Variants in PRPF18 observed in about 807,000 individuals in gnomAD.
PRPF18 encodes pre-mRNA-splicing factor 18.
Under a neutral mutation model 46.5 loss-of-function variants are expected in PRPF18, and 38 were observed. The ratio of observed to expected loss-of-function variants is 0.82; its 90% CI spans 0.63 to 1.07. The LOEUF is 1.07. Among genes scored for constraint, PRPF18 ranks in the 50% least tolerant of loss-of-function variants. The pLI is 0.00. For synonymous variants in PRPF18, 152 were observed against 146.7 expected, an observed-to-expected ratio of 1.04 and a Z score of -0.26; for missense variants, 263 against 410.0, an observed-to-expected ratio of 0.64 and a Z score of 3.10.
the PRPF18 span, among the ~76,000 whole-genome samples, chr10:13,636,617 A>G: frequency 6.6e-6 from 1 of 152,200 alleles, no homozygotes; most frequent in Admixed American, 6.5e-5. Flanking sequence ...CATACAGAAA[A>G]ATTACTAGAG....
chr10:13,634,852 T>C (rs2080622483), downstream of PRPF18, among the ~76,000 whole-genome samples: 1 of 152,214 alleles, frequency 6.6e-6, no homozygotes, highest in Admixed American at 6.5e-5. Flanking sequence ...TGTATGGTGG[T>C]CAGCAGTTTG....
chr10:13,626,787 A>T (rs11258481), intron 9 of PRPF18, among the ~76,000 whole-genome samples: 50,963 of 148,646 alleles, frequency 0.34, 9,219 homozygotes, highest in Non-Finnish European at 0.42. Context: ...CTATTATTTG[A>T]TACAAGAATC....
At chr10:13,603,014 G>A (rs2080134903) in intron 3 of PRPF18, among the ~76,000 whole-genome samples, 1 of 152,262 alleles carries the variant, frequency 6.6e-6, no homozygotes, top group African/African-American at 2.4e-5. Context: ...TTACCGGCGA[G>A]GGCCACTGCG....
At chr10:13,613,946 A>G (rs2080305468) in intron 7 of PRPF18, 65 bp downstream of exon 7, 1 of 1,566,624 alleles carries the variant, frequency 6.4e-7, no homozygotes, top group Admixed American at 1.9e-5. Context: ...TTTAGAATAA[A>G]TGCAGTCTGT....
chr10:13,653,064 T>G, the PRPF18 span: 2 of 152,108 alleles, frequency 1.3e-5, no homozygotes, highest in East Asian at 3.9e-4. Context: ...TCTGGGTATT[T>G]CCCCCGCAAG....
intron 6 of PRPF18, among the ~76,000 whole-genome samples, chr10:13,612,932 T>C (rs1176176290): frequency 6.6e-6 from 1 of 152,214 alleles, no homozygotes; most frequent in Non-Finnish European, 1.5e-5. Flanking sequence ...AGATATTTTA[T>C]TGTTTATTCA....
rs1339973284 is a variant in PRPF18, at chr10:13,630,575, A to G, written c.*235A>G. The G allele has an allele frequency of 3.4e-6, 1 of 298,010 alleles. No individual in the cohort carries two copies. The highest frequency in any genetic ancestry group is 2.2e-5 in the African/African-American group (1 of 46,066). The allele number at this position is 298,010 out of a possible 1,614,324, so 18.5% of individuals were successfully genotyped here. A position where few individuals can be genotyped will look rare whatever the true frequency, so the allele number is the denominator to read the frequency against. ...TAATTAGTCCAAAATTAAGTTTTAA[A>G]GATTTTTCCTCACAATTTAAATCCA... On this transcript the variant is annotated 3_prime_UTR_variant, in exon 10 of 10. Transcript: ENST00000378572.
chr10:13,616,063 T>C (rs1466885385), intron 8 of PRPF18, among the ~76,000 whole-genome samples: 1 of 152,200 alleles, frequency 6.6e-6, no homozygotes, highest in Non-Finnish European at 1.5e-5. Flanking sequence ...ACTAGAATTT[T>C]CATCAGTGCA....
chr10:13,644,846 G>C, the PRPF18 span: 1 of 152,134 alleles, frequency 6.6e-6, no homozygotes, highest in African/African-American at 2.4e-5. Context: ...GAAAGTAAAA[G>C]CAACAAAAAT....
chr10:13,627,407 A>G (rs1589138875), intron 9 of PRPF18, among the ~76,000 whole-genome samples: 2 of 152,230 alleles, frequency 1.3e-5, no homozygotes, highest in African/African-American at 4.8e-5. Context: ...TTGCCTTTAT[A>G]TAAATAAAAA....
chr10:13,588,373 C>G (rs1356317275), intron 1 of PRPF18, among the ~76,000 whole-genome samples: 1 of 150,974 alleles, frequency 6.6e-6, no homozygotes, highest in African/African-American at 2.4e-5. Context: ...CACCACTGCA[C>G]TCCTGCCTGG....
At chr10:13,591,962 T>G in intron 1 of PRPF18, 1 of 1,112,474 alleles carries the variant, frequency 9.0e-7, no homozygotes. Flanking sequence ...TCAACAGCTT[T>G]TGAGGCACAT....
chr10:13,612,927 T>A (rs1184059293), intron 6 of PRPF18, among the ~76,000 whole-genome samples: 1 of 152,176 alleles, frequency 6.6e-6, no homozygotes. Flanking sequence ...ATCCCAGATA[T>A]TTTATTGTTT....
At chr10:13,617,442 C>T (rs2080361568) in intron 9 of PRPF18, among the ~76,000 whole-genome samples, 1 of 152,038 alleles carries the variant, frequency 6.6e-6, no homozygotes, top group South Asian at 2.1e-4. Flanking sequence ...CGGACTCCCT[C>T]ATGTGAACTG....
chr10:13,592,505 T>C (rs933670812), intron 1 of PRPF18, among the ~76,000 whole-genome samples: 1 of 152,362 alleles, frequency 6.6e-6, no homozygotes, highest in South Asian at 2.1e-4. Flanking sequence ...CCCAGCTTTT[T>C]GTGGTTAATC....
chr10:13,614,694 A>G (rs534204623), intron 8 of PRPF18, among the ~76,000 whole-genome samples: 12 of 152,234 alleles, frequency 7.9e-5, no homozygotes, highest in African/African-American at 2.6e-4. Context: ...GCGGTGAGGG[A>G]AAGGGTGCTG....
intron 4 of PRPF18, 56 bp from the exon 5 acceptor site, chr10:13,609,983 A>G (rs2080248081): frequency 2.0e-6 from 3 of 1,485,248 alleles, no homozygotes; most frequent in Non-Finnish European, 1.8e-6. Context: ...CAAAGGTGAA[A>G]AAACAGGTGT....
At chr10:13,650,236 C>T in the PRPF18 span, among the ~76,000 whole-genome samples, 3 of 152,178 alleles carry the variant, frequency 2.0e-5, no homozygotes, top group South Asian at 6.2e-4. Context: ...GTATAACTAA[C>T]TTACAGAACC....
chr10:13,645,019 G>C, the PRPF18 span: 1 of 152,204 alleles, frequency 6.6e-6, no homozygotes, highest in Non-Finnish European at 1.5e-5. Flanking sequence ...GAATTGTCTA[G>C]AGAGACTTGG....
Sources: gnomAD v4.1 joint callset for allele counts (sites outside exome capture counted in the v4.1 genomes callset) on GRCh38, gnomAD v4.1.1 for gene constraint, MANE v1.5 for transcripts, NCBI Gene and HGNC (gene_info 2026-07-23, HGNC 2026-07-21) for gene names.